RAF1: variants seen among roughly 807,000 people sequenced by gnomAD.
RAF1 encodes Raf-1 proto-oncogene, serine/threonine kinase.
RAF1 carries 27 observed loss-of-function variants against 81.1 expected under a neutral mutation model. That is an observed-to-expected ratio of 0.33 (90% CI 0.25 to 0.46). The LOEUF is 0.46. Among genes scored for constraint, RAF1 ranks in the 20% least tolerant of loss-of-function variants. The pLI is 1.00. For missense variants in RAF1, 598 were observed against 826.0 expected (o/e 0.72, Z 3.38); for synonymous variants, 298 against 294.0 (o/e 1.01, Z -0.14).
intron 6 of RAF1, 141 bp downstream of exon 6, chr3:12,606,060 G>A (rs2059018486): frequency 1.8e-5 from 12 of 649,292 alleles, no homozygotes; most frequent in South Asian, 1.4e-4. Context: ...TGTACCACCA[G>A]TATCAAGTTC....
chr3:12,614,460 T>C (rs1307156695), intron 2 of RAF1, among the ~76,000 whole-genome samples: 3 of 151,882 alleles, frequency 2.0e-5, no homozygotes, highest in Admixed American at 2.0e-4. Flanking sequence ...TGAGACAGAA[T>C]CTTGCTCTGT....
At chr3:12,593,089 T>C (rs1483558080) in intron 11 of RAF1, among the ~76,000 whole-genome samples, 1 of 125,690 alleles carries the variant, frequency 8.0e-6, no homozygotes, top group Non-Finnish European at 1.7e-5. Context: ...GGAGCCTTCC[T>C]CCTTCCTTTT....
chr3:12,605,260 G>A (rs1049524962), intron 6 of RAF1, among the ~76,000 whole-genome samples: 2 of 151,710 alleles, frequency 1.3e-5, no homozygotes, highest in African/African-American at 4.8e-5. Context: ...ATGTGTGTGT[G>A]TGTGTGTGTG....
chr3:12,584,758 TAAAAC>T (rs1412351331), intron 17 of RAF1, 84 bp downstream of exon 16: 53 of 1,612,952 alleles, frequency 3.3e-5, no homozygotes, highest in African/African-American at 1.3e-4. Context: ...CCCCTCCCTA[TAAAAC>T]AAAACAAAAC....
chr3:12,583,952 G>A lies in RAF1; in HGVS notation c.*562C>T. ...ACTGGACACCTTAGAAGCTGTGAAAGGAGGACGTGTCCCCTAAGAAAAGTT... is the reference window on the plus strand; with the variant it reads ...ACTGGACACCTTAGAAGCTGTGAAAAGAGGACGTGTCCCCTAAGAAAAGTT... On this transcript the variant is annotated 3_prime_UTR_variant, in exon 18 of 18. Transcript: ENST00000442415. The A allele has an allele frequency of 4.1e-6, 1 of 243,538 alleles. No homozygotes were observed. Among genetic ancestry groups the A allele is most frequent in the East Asian group, 5.8e-5 (1 of 17,166 alleles). 15.1% of individuals were successfully genotyped at this position (243,538 alleles called of 1,614,324 possible). A position where few individuals can be genotyped will look rare whatever the true frequency, so the allele number is the denominator to read the frequency against.
intron 1 of RAF1, among the ~76,000 whole-genome samples, chr3:12,647,444 T>A (rs960605102): frequency 1.3e-5 from 2 of 149,926 alleles, no homozygotes; most frequent in African/African-American, 5.0e-5. Context: ...CTACAAAAAA[T>A]CAGCCATGCA....
chr3:12,658,558 T>C (rs1371312983), intron 1 of RAF1, among the ~76,000 whole-genome samples: 1 of 152,006 alleles, frequency 6.6e-6, no homozygotes, highest in Non-Finnish European at 1.5e-5. Context: ...GGAAAGATCA[T>C]GCCACTGCAC....
intron 1 of RAF1, among the ~76,000 whole-genome samples, chr3:12,638,139 T>C (rs1490278834): frequency 4.6e-5 from 7 of 152,222 alleles, no homozygotes; most frequent in Non-Finnish European, 1.0e-4. Flanking sequence ...TGACTGCCTA[T>C]ACCACTAGGT....
chr3:12,599,780 T>A lies in RAF1; in HGVS notation c.1079A>T (p.Tyr360Phe), dbSNP rs2058798881. The A allele has an allele frequency of 6.2e-7, 1 of 1,614,140 alleles. No homozygotes were observed. The highest frequency in any genetic ancestry group is 1.1e-5 in the South Asian group (1 of 91,090). The change falls in exon 11 of 18, where the codon TAT (tyrosine) becomes TTT (phenylalanine). Residue 360 changes from tyrosine to phenylalanine, a missense_variant. By Grantham distance (22) the Tyr-to-Phe change is conservative. This residue lies in a region of RAF1 where 194 missense variants were observed against 202.7 expected (regional missense o/e 0.96). Coordinates refer to ENST00000442415, the MANE Select transcript of RAF1 (RefSeq NM_001354689.3). ...TTCACTGGCTTCTATTTCCCAATAA[T>A]AGCTTGAATCTCTCTGTCCACGAGG...
At position 12,634,142 on chromosome 3, in the gene RAF1, T is replaced by A. The variant is rs138876641; in HGVS notation, c.-26-15395A>T. Among the ~76,000 whole-genome samples the A allele has an allele frequency of 3.9e-3, 421 of 108,126 alleles. 2 individuals are homozygous for A. Among genetic ancestry groups the A allele is most frequent in the African/African-American group, 0.015 (398 of 26,472 alleles). The allele number at this position is 108,126 out of a possible 152,430, so 70.9% of individuals were successfully genotyped here. ...ATTACAAAAATTTGAACCTCCATGA[T>A]TCCTTTCTCTCTTTTTTTTTTTTTG... is the stretch of plus-strand genomic sequence containing the variant. On this transcript the variant is annotated intron_variant, in intron 1 of 17. Coordinates refer to ENST00000442415, the MANE Select transcript of RAF1 (RefSeq NM_001354689.3).
At chr3:12,624,260 CAG>C in intron 1 of RAF1, among the ~76,000 whole-genome samples, 1 of 152,278 alleles carries the variant, frequency 6.6e-6, no homozygotes, top group Non-Finnish European at 1.5e-5. Context: ...CAAGTTGTCT[CAG>C]GGAAGAGAGG....
intron 1 of RAF1, among the ~76,000 whole-genome samples, chr3:12,627,446 A>C (rs1559459759): frequency 6.6e-6 from 1 of 152,198 alleles, no homozygotes; most frequent in Non-Finnish European, 1.5e-5. Context: ...AAATTACTAC[A>C]TGGGCCTAAC....
chr3:12,628,643 G>A (rs903153152), intron 1 of RAF1, among the ~76,000 whole-genome samples: 8 of 149,716 alleles, frequency 5.3e-5, no homozygotes, highest in Non-Finnish European at 1.2e-4. Flanking sequence ...AAGTTATTTT[G>A]TGACCTTATT....
At chr3:12,618,317 A>G (rs923973994) in intron 2 of RAF1, among the ~76,000 whole-genome samples, 198 bp downstream of exon 2, 1 of 152,164 alleles carries the variant, frequency 6.6e-6, no homozygotes, top group East Asian at 1.9e-4. Context: ...GAGTAACAGA[A>G]GGAAGGCCAA....
rs771908327 is a variant in RAF1, at chr3:12,606,188, G to C, written c.680+13C>G. ...ATAACTTTCTAAAAGAAAAGCTATA[G>C]GTAAAAAATTACCTAACAGGCATCC... On this transcript the variant is annotated intron_variant, in intron 6 of 17. Transcript: ENST00000442415. 1.3e-6 allele frequency: 2 copies of C among 1,599,442 alleles called. No homozygotes were observed. The highest frequency in any genetic ancestry group is 2.7e-5 in the African/African-American group (2 of 74,560).
intron 1 of RAF1, among the ~76,000 whole-genome samples, chr3:12,654,264 AGGC>A (rs1169042947): frequency 7.9e-5 from 12 of 151,496 alleles, no homozygotes; most frequent in Non-Finnish European, 1.5e-4. Flanking sequence ...CTGGGATTAT[AGGC>A]ATGAGCCACA....
At chr3:12,610,923 C>T (rs1194438237) in intron 3 of RAF1, among the ~76,000 whole-genome samples, 1 of 152,020 alleles carries the variant, frequency 6.6e-6, no homozygotes, top group Non-Finnish European at 1.5e-5. Flanking sequence ...TAGGATAAAC[C>T]ATGAATCTTC....
intron 13 of RAF1, 200 bp from the exon 13 acceptor site, chr3:12,587,837 C>CTTTTTTTTTTTTTTTTTTTTTTTTT (rs374515740): frequency 1.6e-5 from 3 of 188,432 alleles, no homozygotes; most frequent in African/African-American, 9.7e-5. Flanking sequence ...ATGCTTACAC[C>CTTTTTTTTTTTTTTTTTTTTTTTTT]TTTTTTTTTT....
At chr3:12,625,585 C>T (rs1200990417) in intron 1 of RAF1, among the ~76,000 whole-genome samples, 3 of 152,134 alleles carry the variant, frequency 2.0e-5, no homozygotes, top group Non-Finnish European at 2.9e-5. Flanking sequence ...TTACCTCAGA[C>T]TCAAAGCCAC....
Sources: allele counts gnomAD v4.1 joint callset (sites outside exome capture counted in the v4.1 genomes callset), GRCh38; gene constraint gnomAD v4.1.1; regional missense constraint gnomAD v4.1.1; transcripts MANE v1.5; gene names NCBI Gene and HGNC (gene_info 2026-07-23, HGNC 2026-07-21).